Variants in ROBO2 observed in about 807,000 individuals in gnomAD.
The protein encoded by ROBO2 is roundabout guidance receptor 2.
A neutral mutation model predicts 160.8 loss-of-function variants in ROBO2; 53 were observed. The observed-to-expected ratio is 0.33, with a 90% confidence interval of 0.26 to 0.41. The LOEUF (loss-of-function observed/expected upper bound fraction) is 0.41, where lower values mean the gene tolerates loss of function less well. Ranked by LOEUF, ROBO2 falls within the 10% of genes least tolerant of loss-of-function variation. ROBO2 has a pLI of 1.00. For missense variants in ROBO2, 1,577 were observed against 1,722.4 expected, an observed-to-expected ratio of 0.92 and a Z score of 1.49; for synonymous variants, 664 against 611.7, an observed-to-expected ratio of 1.09 and a Z score of -1.26.
Position 76,343,580 on chromosome 3 carries a change from A to G in ROBO2, c.109+405978A>G, listed in dbSNP as rs550588472. ...GGTTTTTGCCATTGAAACTAATGGT[A>G]AAAACCGCAATTACGTTTGCACCAA... is the stretch of plus-strand genomic sequence containing the variant. On this transcript the variant is annotated intron_variant, in intron 2 of 26. Transcript: ENST00000487694. Among the ~76,000 whole-genome samples, 170 of 151,816 alleles carry G rather than the reference A, an allele frequency of 1.1e-3. 1 individual carries two copies. The highest frequency in any genetic ancestry group is 2.6e-3 in the Admixed American group (39 of 15,250).
intron 2 of ROBO2, among the ~76,000 whole-genome samples, chr3:77,360,740 C>G (rs1426889197): frequency 6.6e-6 from 1 of 151,874 alleles, no homozygotes; most frequent in African/African-American, 2.4e-5. Context: ...GATTCCTCTC[C>G]TCTCTGACTT....
At chr3:76,034,836 C>G (rs905075002) in intron 2 of ROBO2, among the ~76,000 whole-genome samples, 21 of 152,078 alleles carry the variant, frequency 1.4e-4, no homozygotes, top group Admixed American at 2.6e-4. Flanking sequence ...ATGGCCTGTG[C>G]CCCAGCCAAT....
At chr3:77,360,762 T>A in intron 2 of ROBO2, among the ~76,000 whole-genome samples, 1 of 152,136 alleles carries the variant, frequency 6.6e-6, no homozygotes, top group East Asian at 1.9e-4. Flanking sequence ...TTAAGCAAAT[T>A]GCTGTGTCTG....
At chr3:76,525,600 A>G (rs1043520156) in intron 2 of ROBO2, among the ~76,000 whole-genome samples, 1 of 151,982 alleles carries the variant, frequency 6.6e-6, no homozygotes, top group Non-Finnish European at 1.5e-5. Context: ...TTCTCAACCA[A>G]TGTGGCCAAA....
intron 2 of ROBO2, among the ~76,000 whole-genome samples, chr3:76,312,171 CTGTT>C (rs1053635876): frequency 6.6e-6 from 1 of 152,114 alleles, no homozygotes; most frequent in African/African-American, 2.4e-5. Flanking sequence ...TTTCTGGACA[CTGTT>C]TGTATGTTTG....
intron 20 of ROBO2, chr3:77,603,903 A>G (rs1295249563): frequency 1.3e-5 from 2 of 152,104 alleles, no homozygotes; most frequent in Non-Finnish European, 2.9e-5. Flanking sequence ...TGGATTAACT[A>G]TATGCTATTT....
chr3:76,464,335 C>T (rs142933976), intron 2 of ROBO2, among the ~76,000 whole-genome samples: 178 of 152,144 alleles, frequency 1.2e-3, no homozygotes, highest in African/African-American at 4.1e-3. Flanking sequence ...GATGTGAAAA[C>T]GTTTCCCAGG....
intron 5 of ROBO2, among the ~76,000 whole-genome samples, chr3:77,521,996 T>A (rs916585016): frequency 7.3e-5 from 11 of 151,200 alleles, no homozygotes. Context: ...CAGGTAAATA[T>A]CAGGAGGAAA....
intron 2 of ROBO2, among the ~76,000 whole-genome samples, chr3:76,062,865 T>G (rs889333340): frequency 1.3e-5 from 2 of 152,092 alleles, no homozygotes; most frequent in African/African-American, 4.8e-5. Context: ...GAGAAAGCAT[T>G]TGGGGAGATT....
At chr3:76,205,941 T>G (rs1516457) in intron 2 of ROBO2, among the ~76,000 whole-genome samples, 52,164 of 152,000 alleles carry the variant, frequency 0.34, 9,837 homozygotes, top group Non-Finnish European at 0.42. Flanking sequence ...ACTCGAACTG[T>G]TCAACTTTTT....
chr3:75,920,552 G>C (rs114467023), intron 1 of ROBO2, among the ~76,000 whole-genome samples: 7,148 of 152,130 alleles, frequency 0.047, 577 homozygotes, highest in African/African-American at 0.16. Context: ...GGTCCGCTTG[G>C]ACCAGAGCTG....
chr3:76,744,974 A>G (rs1219044917), intron 2 of ROBO2, among the ~76,000 whole-genome samples: 1 of 152,190 alleles, frequency 6.6e-6, no homozygotes, highest in Admixed American at 6.5e-5. Flanking sequence ...TCCTGCCAGA[A>G]GACAAAGGAT....
chr3:76,571,293 G>A (rs2084943263), intron 2 of ROBO2, among the ~76,000 whole-genome samples: 1 of 152,116 alleles, frequency 6.6e-6, no homozygotes, highest in Non-Finnish European at 1.5e-5. Context: ...GTAGTGAGTG[G>A]TAATGTTTCA....
At chr3:76,428,399 T>A (rs1201815543) in intron 2 of ROBO2, among the ~76,000 whole-genome samples, 1 of 152,216 alleles carries the variant, frequency 6.6e-6, no homozygotes, top group Non-Finnish European at 1.5e-5. Flanking sequence ...GGGACATTTT[T>A]AAGAATTCTA....
At chr3:77,231,616 TAC>T in intron 2 of ROBO2, among the ~76,000 whole-genome samples, 1 of 130,214 alleles carries the variant, frequency 7.7e-6, no homozygotes, top group Non-Finnish European at 1.7e-5. Context: ...CTTAATACAT[TAC>T]ATTATTATTT....
Position 77,487,458 on chromosome 3 carries a change from G to T in ROBO2, c.668-5786G>T, listed in dbSNP as rs181157703. ...TATATTTGTCTTTACTTCATAGGAT[G>T]AATTTTCTCAGGCAAGGAAAGTTCT... On this transcript the variant is annotated intron_variant, in intron 4 of 25. Coordinates refer to ENST00000461745, the Ensembl canonical transcript of ROBO2. 6.3e-4 allele frequency among the ~76,000 whole-genome samples: 96 copies of T among 152,244 alleles called. No homozygotes were observed. In the East Asian group the frequency reaches 0.015, roughly 24 times the overall value.
Position 77,600,783 on chromosome 3 carries a change from G to A in ROBO2, c.2855-1427G>A, listed in dbSNP as rs539383514. On this transcript the variant is annotated intron_variant, in intron 19 of 25. Transcript: ENST00000461745. Reference sequence around the variant, plus strand: ...AAAAATAATACTAACACTTGAGAATGCAGTATGCTTAACATCAAATTTTGT... The same window carrying A: ...AAAAATAATACTAACACTTGAGAATACAGTATGCTTAACATCAAATTTTGT... Among the ~76,000 whole-genome samples the A allele has an allele frequency of 8.5e-5, 13 of 152,246 alleles. No individual in the cohort carries two copies. In the South Asian group the frequency reaches 2.7e-3, roughly 32 times the overall value.
chr3:76,674,839 A>G (rs771732437), intron 2 of ROBO2, among the ~76,000 whole-genome samples: 1 of 152,134 alleles, frequency 6.6e-6, no homozygotes, highest in Non-Finnish European at 1.5e-5. Flanking sequence ...TTTTTGAGAA[A>G]GTCTGGCTAT....
intron 2 of ROBO2, among the ~76,000 whole-genome samples, chr3:77,472,788 G>A (rs994053931): frequency 2.0e-5 from 3 of 152,078 alleles, no homozygotes; most frequent in Non-Finnish European, 4.4e-5. Context: ...TGGGTACAAT[G>A]TACACCTGTT....
Sources: allele counts gnomAD v4.1 joint callset (sites outside exome capture counted in the v4.1 genomes callset), GRCh38; gene constraint gnomAD v4.1.1; transcripts MANE v1.5; gene names NCBI Gene and HGNC (gene_info 2026-07-23, HGNC 2026-07-21).